The following KIF26B variants were observed in gnomAD, a reference collection of about 807,000 sequenced individuals.
KIF26B encodes the protein kinesin-like protein KIF26B.
A neutral mutation model predicts 151.2 loss-of-function variants in KIF26B; 63 were observed. The observed-to-expected ratio is 0.42, with a 90% CI of 0.34 to 0.51. The LOEUF (loss-of-function observed/expected upper bound fraction) is 0.51. KIF26B is among the 20% of genes least tolerant of loss of function. KIF26B has a pLI of 0.07. For synonymous variants in KIF26B, 1,357 were observed against 1,262.1 expected, an observed-to-expected ratio of 1.08 and a Z score of -1.59; for missense variants, 2,813 against 2,913.6, an observed-to-expected ratio of 0.97 and a Z score of 0.79.
rs907695425 is a variant in KIF26B, at chr1:245,702,747, C to T, written c.*141C>T. 2.6e-5 allele frequency: 24 copies of T among 914,628 alleles called. No individual in the cohort carries two copies. The African/African-American group carries it at 2.6e-4, about 10-fold the overall frequency. The allele number at this position is 914,628 out of a possible 1,614,324, so 56.7% of individuals were successfully genotyped here. On this transcript the variant is annotated 3_prime_UTR_variant, in exon 15 of 15. Coordinates refer to ENST00000407071, the MANE Select transcript of KIF26B (RefSeq NM_018012.4). The surrounding 1 kb of genome is among the most constrained non-coding windows in gnomAD (Gnocchi z 4.1). Reference sequence around the variant, plus strand: ...TGGCAAGTCTGGAGCGGGCGTTGAGCGGAAGGCGAGTTTTCTTTTGTTTTC... The same window carrying T: ...TGGCAAGTCTGGAGCGGGCGTTGAGTGGAAGGCGAGTTTTCTTTTGTTTTC...
In KIF26B at chr1:245,564,884, G is replaced by A. The variant is rs2042993956; in HGVS notation, c.1350+23934G>A. Among the ~76,000 whole-genome samples the A allele has an allele frequency of 6.6e-6, 1 of 152,204 alleles. No homozygotes were observed. The highest frequency in any genetic ancestry group is 1.5e-5 in the Non-Finnish European group (1 of 68,042). On this transcript the variant is annotated intron_variant, in intron 5 of 14. Coordinates refer to ENST00000407071, the MANE Select transcript of KIF26B (RefSeq NM_018012.4). This position sits in a 1 kb window ranked among gnomAD's most constrained non-coding sequence, Gnocchi z 4.6. The stretch of plus-strand genomic sequence containing the variant: ...CACAATAGGGTTTGTGCTTCCATGA[G>A]AATCTAATGCTGCTGCTGATCTGAC...
At chr1:245,542,429 A>G (rs539157596) in intron 5 of KIF26B, among the ~76,000 whole-genome samples, 1 of 152,248 alleles carries the variant, frequency 6.6e-6, no homozygotes, top group Admixed American at 6.5e-5. Context: ...GGTGGTGGGC[A>G]GGGCAGACAG....
At chr1:245,199,005 C>CGGGGGT (rs1553333844) in intron 2 of KIF26B, among the ~76,000 whole-genome samples, 554 of 148,776 alleles carry the variant, frequency 3.7e-3, no homozygotes, top group Non-Finnish European at 4.0e-3. Context: ...GAGTCCCAAG[C>CGGGGGT]AGGGGACAGA....
At chr1:245,327,665 T>C (rs1196955821) in intron 2 of KIF26B, among the ~76,000 whole-genome samples, 2 of 152,264 alleles carry the variant, frequency 1.3e-5, no homozygotes, top group East Asian at 3.9e-4. Context: ...CAGAGCTCTG[T>C]GTCCCTGGAA....
chr1:245,168,053 G>A (rs1015099294), intron 2 of KIF26B, among the ~76,000 whole-genome samples: 1 of 152,184 alleles, frequency 6.6e-6, no homozygotes, highest in Non-Finnish European at 1.5e-5. Context: ...CACCTAGCTG[G>A]CCTGTGCTTG....
At chr1:245,523,443 G>A (rs1311826077) in intron 4 of KIF26B, among the ~76,000 whole-genome samples, 1 of 152,086 alleles carries the variant, frequency 6.6e-6, no homozygotes, top group Non-Finnish European at 1.5e-5. Flanking sequence ...GACAATACCT[G>A]TCTTAGTTCC....
rs111248367 is a variant in KIF26B, at chr1:245,303,354, A to G, written c.466-63480A>G. 3.2e-3 allele frequency among the ~76,000 whole-genome samples: 484 copies of G among 150,750 alleles called. 3 individuals are homozygous for G. The highest frequency in any genetic ancestry group is 6.1e-3 in the East Asian group (31 of 5,114). ...GCTGGGACTACAGGTGCCCGCCACCACGCCCGGCTAATTTTTTGTATTTTT... is the reference window on the plus strand; with the variant it reads ...GCTGGGACTACAGGTGCCCGCCACCGCGCCCGGCTAATTTTTTGTATTTTT... On this transcript the variant is annotated intron_variant, in intron 2 of 14. Coordinates refer to ENST00000407071, the MANE Select transcript of KIF26B (RefSeq NM_018012.4).
chr1:245,287,668 T>C (rs897183243), intron 2 of KIF26B, among the ~76,000 whole-genome samples: 1 of 151,932 alleles, frequency 6.6e-6, no homozygotes, highest in African/African-American at 2.4e-5. Context: ...CACGCCCGGC[T>C]AATTTTGTAT....
intron 10 of KIF26B, among the ~76,000 whole-genome samples, chr1:245,666,036 C>T (rs2044210629): frequency 7.8e-6 from 1 of 128,932 alleles, no homozygotes; most frequent in South Asian, 2.5e-4. Context: ...GAGTCTCTCT[C>T]TGTCGCCCAG....
intron 2 of KIF26B, among the ~76,000 whole-genome samples, chr1:245,157,358 G>T (rs1191448790): frequency 1.3e-5 from 2 of 152,188 alleles, no homozygotes; most frequent in Admixed American, 1.3e-4. Context: ...GCACTGTTGG[G>T]TCCAAGTACT....
At position 245,602,929 on chromosome 1, in the gene KIF26B, A is replaced by G. The variant is rs2043413465; in HGVS notation, c.1557+146A>G. The G allele has an allele frequency of 2.7e-6, 2 of 730,902 alleles. No homozygotes were observed. The highest frequency in any genetic ancestry group is 1.7e-5 in the African/African-American group (1 of 57,442). 45.3% of individuals were successfully genotyped at this position (730,902 alleles called of 1,614,324 possible). ...CAGGAGTCAATCTGAGCTCCACCGA[A>G]TGGTCCAGTGCTTTTGAATTACTGG... On this transcript the variant is annotated intron_variant, in intron 6 of 14. Transcript: ENST00000407071. The surrounding 1 kb of genome is among the most constrained non-coding windows in gnomAD (Gnocchi z 4.5).
At chr1:245,499,763 A>G (rs1486020790) in intron 4 of KIF26B, among the ~76,000 whole-genome samples, 2 of 152,252 alleles carry the variant, frequency 1.3e-5, no homozygotes, top group African/African-American at 2.4e-5. Flanking sequence ...CTGGAGGGCC[A>G]TAGAGCTGGA....
chr1:245,599,374 T>C (rs970279672), intron 5 of KIF26B, among the ~76,000 whole-genome samples: 2 of 152,230 alleles, frequency 1.3e-5, no homozygotes, highest in African/African-American at 4.8e-5. Flanking sequence ...GAACTGTGTG[T>C]ATCTCTTTGG....
chr1:245,315,844 AT>A, intron 2 of KIF26B, among the ~76,000 whole-genome samples: 1 of 152,292 alleles, frequency 6.6e-6, no homozygotes, highest in East Asian at 1.9e-4. Context: ...GTAAGCCGTG[AT>A]GGTGCCACTG....
At chr1:245,348,731 C>G (rs550417237) in intron 2 of KIF26B, among the ~76,000 whole-genome samples, 1 of 152,288 alleles carries the variant, frequency 6.6e-6, no homozygotes, top group South Asian at 2.1e-4. Flanking sequence ...TCTCTCTGGC[C>G]TCATGTCCAA....
In KIF26B at chr1:245,309,244, TGACTGGGCCGCGGGATGCCCA is replaced by T. The variant is rs1279968980; in HGVS notation, c.466-57587_466-57567del. On this transcript the variant is annotated intron_variant, in intron 2 of 14. Transcript: ENST00000407071. ...TGATGGTTAATTTTCTGTGTCAACTTGACTGGGCCGCGGGATGCCCAGATATTTGGTCAAACGTTGTTCTTG... is the reference window on the plus strand; with the variant it reads ...TGATGGTTAATTTTCTGTGTCAACTTGATATTTGGTCAAACGTTGTTCTTG... Among the ~76,000 whole-genome samples the T allele has an allele frequency of 1.4e-4, 21 of 152,196 alleles. 1 individual carries two copies. Among genetic ancestry groups the T allele is most frequent in the Admixed American group, 9.8e-4 (15 of 15,288 alleles).
intron 2 of KIF26B, among the ~76,000 whole-genome samples, chr1:245,327,696 T>C (rs929831743): frequency 6.6e-6 from 1 of 152,228 alleles, no homozygotes; most frequent in African/African-American, 2.4e-5. Context: ...CCACTGTTTA[T>C]AGCATTGAGA....
At chr1:245,264,253 AG>A (rs1212533813) in intron 2 of KIF26B, among the ~76,000 whole-genome samples, 1 of 152,252 alleles carries the variant, frequency 6.6e-6, no homozygotes, top group Non-Finnish European at 1.5e-5. Flanking sequence ...CATTTAAAAA[AG>A]ATACTCCGTC....
intron 5 of KIF26B, among the ~76,000 whole-genome samples, chr1:245,574,938 C>T (rs1321645284): frequency 6.8e-6 from 1 of 146,468 alleles, no homozygotes; most frequent in Non-Finnish European, 1.5e-5. Context: ...GATCTCGGCT[C>T]ACTGCAAGCT....
Sources: allele counts gnomAD v4.1 joint callset (sites outside exome capture counted in the v4.1 genomes callset), GRCh38; gene constraint gnomAD v4.1.1; non-coding constraint Gnocchi (gnomAD v3.1); transcripts MANE v1.5; gene names NCBI Gene and HGNC (gene_info 2026-07-23, HGNC 2026-07-21).